Variants in TEX14 observed in about 807,000 individuals in gnomAD.
The protein encoded by TEX14 is testis expressed 14, intercellular bridge forming factor.
TEX14 carries 168 observed loss-of-function variants against 178.6 expected under a neutral mutation model. That is an observed-to-expected ratio of 0.94 (90% CI 0.83 to 1.07). The LOEUF is 1.07. Ranked by LOEUF, TEX14 falls within the 50% of genes least tolerant of loss-of-function variation. The pLI, the probability that TEX14 is intolerant of heterozygous loss-of-function variation, is 0.00. For synonymous variants in TEX14, 626 were observed against 634.1 expected (o/e 0.99, Z 0.19); for missense variants, 1,730 against 1,753.6 (o/e 0.99, Z 0.24).
chr17:58,623,819 A>C (rs1034062286), intron 3 of TEX14, among the ~76,000 whole-genome samples: 2 of 107,598 alleles, frequency 1.9e-5, no homozygotes, highest in Non-Finnish European at 1.9e-5. Context: ...GGGGGAGGGA[A>C]GGGGAGGGGG....
chr17:58,679,592 A>G (rs1325663618), intron 1 of TEX14: 4 of 152,276 alleles, frequency 2.6e-5, no homozygotes, highest in Non-Finnish European at 5.9e-5. Flanking sequence ...ACATTTGTAG[A>G]AAACCACAGG....
chr17:58,664,242 G>A (rs565165451), intron 1 of TEX14, among the ~76,000 whole-genome samples: 129 of 152,192 alleles, frequency 8.5e-4, no homozygotes, highest in Admixed American at 1.9e-3. Context: ...TAATACTTTG[G>A]CTTTCAATGG....
chr17:58,594,264 T>C (rs987653764), intron 14 of TEX14, among the ~76,000 whole-genome samples: 1 of 151,838 alleles, frequency 6.6e-6, no homozygotes, highest in African/African-American at 2.4e-5. Flanking sequence ...CCCTCCTATA[T>C]GAATATGAAG....
At chr17:58,671,896 C>G (rs2047310374) in intron 1 of TEX14, among the ~76,000 whole-genome samples, 1 of 152,106 alleles carries the variant, frequency 6.6e-6, no homozygotes, top group Non-Finnish European at 1.5e-5. Context: ...GGCCCCTAGC[C>G]CCATCTCTCA....
At position 58,618,798 on chromosome 17, in the gene TEX14, T is replaced by G. The variant is rs1040155204; in HGVS notation, c.555-1179A>C. Among the ~76,000 whole-genome samples, 74 of 152,240 alleles carry G rather than the reference T, an allele frequency of 4.9e-4. 1 individual carries two copies. The highest frequency in any genetic ancestry group is 7.9e-4 in the Admixed American group (12 of 15,284). On this transcript the variant is annotated intron_variant, in intron 5 of 31. Coordinates refer to ENST00000349033, the MANE Select transcript of TEX14 (RefSeq NM_031272.5). ...AGTGCCAAGCTGTCCCGTCTCTGCT[T>G]TAAGCTGCTATGCTATTGAGGAGAA... is the stretch of plus-strand genomic sequence containing the variant.
rs1490688478 is a variant in TEX14 at position 58,611,221 on chromosome 17, G to C, written c.1124C>G (p.Ala375Gly). The change falls in exon 10 of 32, where the codon GCT becomes GGT. Residue 375 changes from alanine (A) to glycine (G), a missense_variant. Around this residue, in one of 2 missense-constraint regions of TEX14, gnomAD observed 789 missense variants for 681.2 expected, o/e 1.16. Coordinates refer to ENST00000349033, the MANE Select transcript of TEX14 (RefSeq NM_031272.5). ...GFIHRSLSSY[A>G]VHIISPGEAR... Reference sequence around the variant, plus strand: ...TTCACCTGGGGAGATGATATGGACAGCATAGGAGCTGAGGGAGCGGTGGAT... The same window carrying C: ...TTCACCTGGGGAGATGATATGGACACCATAGGAGCTGAGGGAGCGGTGGAT... The C allele has an allele frequency of 6.2e-7, 1 of 1,613,936 alleles. No individual in the cohort carries two copies. Among genetic ancestry groups the C allele is most frequent in the Admixed American group, 1.7e-5 (1 of 60,002 alleles).
chr17:58,633,085 C>T (rs938337671), intron 2 of TEX14, among the ~76,000 whole-genome samples: 7 of 152,210 alleles, frequency 4.6e-5, no homozygotes, highest in Non-Finnish European at 8.8e-5. Flanking sequence ...ACTCCAGCCA[C>T]ACTCTGGCCT....
chr17:58,662,793 C>T (rs1013191267), intron 1 of TEX14, among the ~76,000 whole-genome samples: 1 of 152,136 alleles, frequency 6.6e-6, no homozygotes, highest in African/African-American at 2.4e-5. Context: ...AGTTTTGTTA[C>T]ATAAGTTCAC....
At chr17:58,668,303 T>G (rs892953763) in intron 1 of TEX14, among the ~76,000 whole-genome samples, 1 of 152,234 alleles carries the variant, frequency 6.6e-6, no homozygotes, top group Non-Finnish European at 1.5e-5. Context: ...GCGGTCTCTA[T>G]ACCTATCCTG....
At chr17:58,665,295 A>G (rs1166824187) in intron 1 of TEX14, among the ~76,000 whole-genome samples, 1 of 151,636 alleles carries the variant, frequency 6.6e-6, no homozygotes, top group African/African-American at 2.4e-5. Flanking sequence ...CCCGGCCCAC[A>G]TGAAATTAAC....
rs2046342626 is a variant in TEX14 at position 58,632,390 on chromosome 17, C to T, written c.137-1836G>A. ...TGTGTTTATTTTTTTCTGGTTTTCG[C>T]ACTGTTGCCCAGGGTGGCCTTGAAC... On this transcript the variant is annotated intron_variant, in intron 2 of 31. Transcript: ENST00000349033. 2.0e-5 allele frequency among the ~76,000 whole-genome samples: 3 copies of T among 152,156 alleles called. No homozygotes were observed. In the South Asian group the frequency reaches 6.2e-4, roughly 32 times the overall value.
At chr17:58,577,923 G>C (rs925762887) in intron 20 of TEX14, among the ~76,000 whole-genome samples, 5 of 152,186 alleles carry the variant, frequency 3.3e-5, no homozygotes, top group African/African-American at 7.2e-5. Flanking sequence ...CTTGAGTACT[G>C]AGGAGCTAAT....
At chr17:58,634,576 C>G (rs73327395) in intron 2 of TEX14, among the ~76,000 whole-genome samples, 6 of 152,284 alleles carry the variant, frequency 3.9e-5, no homozygotes, top group Admixed American at 6.5e-5. Flanking sequence ...AAGGTAGGAA[C>G]TGCCCAATGT....
chr17:58,559,604 C>A, intron 29 of TEX14, 42 bp from the exon 30 acceptor site: 1 of 950,056 alleles, frequency 1.1e-6, no homozygotes, highest in Admixed American at 1.8e-5. Context: ...GTATACACAA[C>A]AGCCAAGAAA....
intron 1 of TEX14, among the ~76,000 whole-genome samples, chr17:58,662,415 T>TCACACA (rs200980242): frequency 0.01 from 1,182 of 114,974 alleles, 5 homozygotes; most frequent in South Asian, 0.036. Context: ...CACACATATC[T>TCACACA]CACACACACA....
chr17:58,617,605 G>A lies in TEX14; in HGVS notation c.569C>T (p.Ser190Phe), dbSNP rs371424160. 7 of 1,612,362 alleles carry A rather than the reference G, an allele frequency of 4.3e-6. No individual in the cohort carries two copies. Among genetic ancestry groups the A allele is most frequent in the Middle Eastern group, 1.6e-4 (1 of 6,082 alleles). ...GGLVQGNPNG[S>F]PNRLLKAGVI... is the part of the protein sequence containing the mutation. ...TCCAGCTTTAAGCAGTCGGTTAGGA[G>A]AGCCATTAGGGTTTCTAGAAATATT... The change falls in exon 6 of 32, where the codon TCT becomes TTT. Residue 190 changes from serine to phenylalanine, a missense_variant. Physicochemically the swap from Ser to Phe is radical, Grantham distance 155. This residue lies in a region of TEX14 where 789 missense variants were observed against 681.2 expected (regional missense o/e 1.16). Transcript: ENST00000349033.
intron 3 of TEX14, among the ~76,000 whole-genome samples, chr17:58,625,108 ATCT>A (rs1387841833): frequency 6.7e-6 from 1 of 150,268 alleles, no homozygotes; most frequent in Admixed American, 6.6e-5. Context: ...ATGTCTTACC[ATCT>A]TCTTTTTTGT....
intron 1 of TEX14, chr17:58,661,730 G>C (rs1275564479): frequency 3.5e-6 from 2 of 573,850 alleles, no homozygotes; most frequent in Non-Finnish European, 3.1e-6. Context: ...CGGTGGCGTT[G>C]GGGGCGGCAT....
chr17:58,609,098 T>A (rs550479368), intron 10 of TEX14, among the ~76,000 whole-genome samples: 148 of 152,258 alleles, frequency 9.7e-4, no homozygotes, highest in African/African-American at 3.4e-3. Flanking sequence ...GCTCCGGTCA[T>A]ACCCTAACGG....
Sources: gnomAD v4.1 joint callset for allele counts (sites outside exome capture counted in the v4.1 genomes callset) on GRCh38, gnomAD v4.1.1 for gene constraint, gnomAD v4.1.1 regional missense constraint, MANE v1.5 for transcripts, NCBI Gene and HGNC (gene_info 2026-07-23, HGNC 2026-07-21) for gene names.